KCNH5: variants seen among roughly 807,000 people sequenced by gnomAD.
KCNH5 encodes the protein potassium voltage-gated channel subfamily H member 5, also known as voltage-gated delayed rectifier potassium channel KCNH5.
KCNH5 carries 46 observed loss-of-function variants against 96.1 expected under a neutral mutation model. That is an observed-to-expected ratio of 0.48 (90% CI 0.38 to 0.61). The LOEUF (loss-of-function observed/expected upper bound fraction) is 0.61. Ranked by LOEUF, KCNH5 falls within the 20% of genes least tolerant of loss-of-function variation. The pLI is 0.00. For synonymous variants in KCNH5, 439 were observed against 449.8 expected, an observed-to-expected ratio of 0.98 and a Z score of 0.30; for missense variants, 907 against 1,225.8, an observed-to-expected ratio of 0.74 and a Z score of 3.88.
In KCNH5 at chr14:62,779,911, T is replaced by C; in HGVS notation, c.1836A>G (p.Val612=). Residue 612 remains valine (V), a synonymous_variant, in exon 10 of 11, where the codon GTA becomes GTG. Transcript: ENST00000322893. ...TTTCCTTCCAGAAGATGTCTCCAAATACATCACCCTTCCCTAGAAAACAGT... is the reference window on the plus strand; with the variant it reads ...TTTCCTTCCAGAAGATGTCTCCAAACACATCACCCTTCCCTAGAAAACAGT... ...EVVAILGKGD[V]FGDIFWKETT... 4 of 1,612,538 alleles carry C rather than the reference T, an allele frequency of 2.5e-6. No homozygotes were observed. The highest frequency in any genetic ancestry group is 3.4e-6 in the Non-Finnish European group (4 of 1,179,290).
At chr14:62,806,019 C>G (rs769917041) in intron 8 of KCNH5, among the ~76,000 whole-genome samples, 1 of 152,080 alleles carries the variant, frequency 6.6e-6, no homozygotes, top group African/African-American at 2.4e-5. Flanking sequence ...AGATACACCT[C>G]GTAAAGACCT....
chr14:63,019,847 ACT>A (rs1488474136), intron 1 of KCNH5, among the ~76,000 whole-genome samples: 1 of 152,124 alleles, frequency 6.6e-6, no homozygotes, highest in South Asian at 2.1e-4. Context: ...CATCAAAATT[ACT>A]GTCAACTACT....
At chr14:62,882,746 T>C (rs1392236761) in intron 7 of KCNH5, among the ~76,000 whole-genome samples, 1 of 152,206 alleles carries the variant, frequency 6.6e-6, no homozygotes, top group Non-Finnish European at 1.5e-5. Flanking sequence ...CTTGGGTAGA[T>C]TTTAATTGAG....
intron 5 of KCNH5, among the ~76,000 whole-genome samples, chr14:62,983,204 G>A (rs771207193): frequency 1.1e-4 from 16 of 151,668 alleles, no homozygotes; most frequent in Admixed American, 5.9e-4. Context: ...GTGAAACCCC[G>A]TCCTACTAAA....
At chr14:62,987,411 A>G (rs1950974) in intron 4 of KCNH5, among the ~76,000 whole-genome samples, 4 of 152,114 alleles carry the variant, frequency 2.6e-5, no homozygotes, top group Non-Finnish European at 4.4e-5. Context: ...TATTTTGCCC[A>G]TATCTGTGTA....
chr14:63,001,550 G>A, intron 3 of KCNH5, 91 bp from the exon 4 acceptor site: 1 of 1,212,884 alleles, frequency 8.2e-7, no homozygotes, highest in Non-Finnish European at 1.1e-6. Context: ...TCCTTCAGCT[G>A]CCAACAGCTG....
At chr14:62,788,228 A>G (rs150320529) in intron 9 of KCNH5, among the ~76,000 whole-genome samples, 55 of 152,282 alleles carry the variant, frequency 3.6e-4, no homozygotes, top group African/African-American at 1.3e-3. Context: ...ACCCTCATGG[A>G]TGACTTTGAG....
intron 8 of KCNH5, among the ~76,000 whole-genome samples, chr14:62,840,557 C>CT (rs1165731381): frequency 2.8e-5 from 3 of 108,732 alleles, no homozygotes; most frequent in Non-Finnish European, 3.8e-5. Context: ...TTTCTTTTTT[C>CT]TTTTTTTTCT....
intron 8 of KCNH5, among the ~76,000 whole-genome samples, chr14:62,815,659 T>C (rs1886963655): frequency 6.6e-6 from 1 of 151,992 alleles, no homozygotes; most frequent in Non-Finnish European, 1.5e-5. Context: ...AAAAAAAGTT[T>C]ACATTATAAA....
At chr14:62,922,364 C>T (rs550818843) in intron 7 of KCNH5, among the ~76,000 whole-genome samples, 1 of 152,024 alleles carries the variant, frequency 6.6e-6, no homozygotes, top group East Asian at 1.9e-4. Context: ...ATATAGTAGA[C>T]ATGCATATAT....
At chr14:62,711,765 C>T (rs1340355871) in intron 10 of KCNH5, among the ~76,000 whole-genome samples, 3 of 152,188 alleles carry the variant, frequency 2.0e-5, no homozygotes, top group Non-Finnish European at 2.9e-5. Context: ...AGCCACTGAA[C>T]GTACTCATTT....
In KCNH5 at chr14:62,981,183, A is replaced by G; in HGVS notation, c.631T>C (p.Cys211Arg). 1 of 1,614,152 alleles carries G rather than the reference A, an allele frequency of 6.2e-7. No homozygotes were observed. Residue 211 changes from cysteine (C) to arginine (R), a missense_variant, in exon 6 of 11, where the codon TGT becomes CGT. By Grantham distance (180) the Cys-to-Arg change is radical. Around this residue, in one of 6 missense-constraint regions of KCNH5, gnomAD observed 370 missense variants for 561.3 expected, o/e 0.66. Transcript: ENST00000322893. The stretch of plus-strand genomic sequence containing the variant: ...CAATCCCAAGTAGTTTTAAAAGCAC[A>G]ATAATGTAAAATAATGTGTGGTGGC... ...KTPPHIILHY[C>R]AFKTTWDWVI...
chr14:62,991,159 T>C (rs1192334980), intron 4 of KCNH5, among the ~76,000 whole-genome samples: 4 of 152,094 alleles, frequency 2.6e-5, no homozygotes, highest in Non-Finnish European at 5.9e-5. Context: ...TGGTTTTGTT[T>C]AGTGAATGAA....
chr14:62,926,799 A>G (rs1319634156), intron 7 of KCNH5, among the ~76,000 whole-genome samples: 1 of 152,066 alleles, frequency 6.6e-6, no homozygotes, highest in Non-Finnish European at 1.5e-5. Flanking sequence ...ATACAGTCAC[A>G]TGAAGGGTTG....
At position 62,705,417 on chromosome 14, in the gene KCNH5, T is replaced by C. The variant is rs980714855; in HGVS notation, c.*2091A>G. The stretch of plus-strand genomic sequence containing the variant: ...AAAATACCCTGAAATTCAATAAATG[T>C]CAGAGGTCACGAAAAAGATATCATC... On this transcript the variant is annotated 3_prime_UTR_variant, in exon 11 of 11. Transcript: ENST00000322893. 2.6e-5 allele frequency: 4 copies of C among 152,000 alleles called. No homozygotes were observed. Among genetic ancestry groups the C allele is most frequent in the African/African-American group, 7.2e-5 (3 of 41,434 alleles). The allele number at this position is 152,000 out of a possible 1,614,324, so 9.4% of individuals were successfully genotyped here. A position where few individuals can be genotyped will look rare whatever the true frequency, so the allele number is the denominator to read the frequency against.
chr14:62,835,956 A>G (rs1179516552), intron 8 of KCNH5, among the ~76,000 whole-genome samples: 1 of 152,060 alleles, frequency 6.6e-6, no homozygotes, highest in Admixed American at 6.6e-5. Context: ...GATAAATTTA[A>G]TATCAGGAAT....
At chr14:62,744,484 A>C (rs1198128761) in intron 10 of KCNH5, among the ~76,000 whole-genome samples, 1 of 152,212 alleles carries the variant, frequency 6.6e-6, no homozygotes, top group African/African-American at 2.4e-5. Context: ...CTTCCATCAT[A>C]TCAGTTATTT....
chr14:62,992,227 C>A (rs1890822699), intron 4 of KCNH5, among the ~76,000 whole-genome samples: 1 of 151,994 alleles, frequency 6.6e-6, no homozygotes, highest in Admixed American at 6.6e-5. Flanking sequence ...TCCAGTCATC[C>A]ACTGATGGAT....
At chr14:63,005,645 T>C (rs1566537945) in intron 3 of KCNH5, among the ~76,000 whole-genome samples, 1 of 152,218 alleles carries the variant, frequency 6.6e-6, no homozygotes, top group African/African-American at 2.4e-5. Flanking sequence ...TAAATGTAAG[T>C]AACCATGCAA....
Sources: allele counts gnomAD v4.1 joint callset (sites outside exome capture counted in the v4.1 genomes callset), GRCh38; gene constraint gnomAD v4.1.1; regional missense constraint gnomAD v4.1.1; transcripts MANE v1.5; gene names NCBI Gene and HGNC (gene_info 2026-07-23, HGNC 2026-07-21).